The following APP variants were observed in gnomAD, a reference collection of about 807,000 sequenced individuals.
The protein encoded by APP is amyloid beta precursor protein.
Under a neutral mutation model 101.4 loss-of-function variants are expected in APP, and 31 were observed. That is an observed-to-expected ratio of 0.31 (90% CI 0.23 to 0.41). APP has a LOEUF of 0.41. Among genes scored for constraint, APP ranks in the 10% least tolerant of loss-of-function variants. The pLI is 1.00. For missense variants in APP, 839 were observed against 1,003.7 expected (o/e 0.84, Z 2.22); for synonymous variants, 366 against 364.4 (o/e 1.00, Z -0.05).
chr21:25,953,274 G>A (rs370404605), intron 13 of APP, among the ~76,000 whole-genome samples: 3 of 152,214 alleles, frequency 2.0e-5, no homozygotes, highest in Non-Finnish European at 2.9e-5. Flanking sequence ...TTCAGATTCC[G>A]TCCATTAATG....
At chr21:25,918,114 G>A (rs981225257) in intron 13 of APP, among the ~76,000 whole-genome samples, 2 of 152,194 alleles carry the variant, frequency 1.3e-5, no homozygotes, top group African/African-American at 2.4e-5. Context: ...GTGGAAGACA[G>A]TGAGGAGATT....
At chr21:25,966,333 A>C (rs1009209638) in intron 11 of APP, among the ~76,000 whole-genome samples, 1 of 152,218 alleles carries the variant, frequency 6.6e-6, no homozygotes, top group Non-Finnish European at 1.5e-5. Flanking sequence ...TGCCCAAGCT[A>C]ATGAGTCCCC....
At chr21:26,044,768 A>G (rs950821129) in intron 5 of APP, among the ~76,000 whole-genome samples, 2 of 152,048 alleles carry the variant, frequency 1.3e-5, no homozygotes, top group Admixed American at 1.3e-4. Context: ...CGAACTCCCA[A>G]CCTCAGGCGA....
chr21:25,950,781 G>A (rs1396501963), intron 13 of APP, among the ~76,000 whole-genome samples: 1 of 152,104 alleles, frequency 6.6e-6, no homozygotes, highest in Non-Finnish European at 1.5e-5. Flanking sequence ...TGAGAGGACA[G>A]GATCTCAGGT....
At chr21:26,103,825 T>C (rs561259220) in intron 2 of APP, among the ~76,000 whole-genome samples, 1 of 152,334 alleles carries the variant, frequency 6.6e-6, no homozygotes, top group South Asian at 2.1e-4. Context: ...TAAAATCCAC[T>C]GTAAGGCATG....
At chr21:26,003,259 A>C (rs1283469214) in intron 6 of APP, among the ~76,000 whole-genome samples, 1 of 152,260 alleles carries the variant, frequency 6.6e-6, no homozygotes, top group African/African-American at 2.4e-5. Flanking sequence ...TAAATAGTAT[A>C]AGCTACACGT....
At chr21:26,112,767 T>G (rs1428056910) in intron 1 of APP, among the ~76,000 whole-genome samples, 1 of 152,212 alleles carries the variant, frequency 6.6e-6, no homozygotes, top group Non-Finnish European at 1.5e-5. Flanking sequence ...GTCTCAACTC[T>G]TAACAAGTCT....
chr21:26,015,402 C>T (rs775385170), intron 6 of APP, among the ~76,000 whole-genome samples: 6 of 152,074 alleles, frequency 3.9e-5, no homozygotes, highest in Non-Finnish European at 8.8e-5. Context: ...TTATTAATCC[C>T]TATTTTACAA....
intron 1 of APP, among the ~76,000 whole-genome samples, chr21:26,152,309 G>T (rs1274656605): frequency 2.2e-5 from 2 of 93,016 alleles, no homozygotes; most frequent in African/African-American, 1.1e-4. Flanking sequence ...AAAAAAAAAT[G>T]GGCCAAGGAT....
chr21:25,912,738 C>G (rs1006395376), intron 13 of APP, among the ~76,000 whole-genome samples: 33 of 152,118 alleles, frequency 2.2e-4, no homozygotes, highest in Admixed American at 5.2e-4. Flanking sequence ...CCTACCCCCC[C>G]ACTTTAAAAA....
chr21:25,966,660 A>G (rs2041808387), intron 11 of APP, among the ~76,000 whole-genome samples: 1 of 152,214 alleles, frequency 6.6e-6, no homozygotes, highest in African/African-American at 2.4e-5. Flanking sequence ...TATATGCTAT[A>G]TACATATATT....
chr21:26,117,556 CATGGGGTT>C (rs2062462189), intron 1 of APP, among the ~76,000 whole-genome samples: 1 of 152,158 alleles, frequency 6.6e-6, no homozygotes, highest in Admixed American at 6.5e-5. Flanking sequence ...TGTCCAAGGC[CATGGGGTT>C]ATAGGGACAG....
At chr21:26,105,563 C>T (rs2062163838) in intron 2 of APP, among the ~76,000 whole-genome samples, 1 of 151,584 alleles carries the variant, frequency 6.6e-6, no homozygotes, top group Non-Finnish European at 1.5e-5. Flanking sequence ...CCAACACACG[C>T]ATGAAAATCC....
intron 6 of APP, among the ~76,000 whole-genome samples, chr21:26,011,783 T>C (rs779614520): frequency 9.3e-6 from 1 of 107,044 alleles, no homozygotes; most frequent in South Asian, 3.4e-4. Flanking sequence ...AGCAAGACTT[T>C]TCTTTGCTCC....
At chr21:26,096,243 C>T (rs754564737) in intron 2 of APP, among the ~76,000 whole-genome samples, 3 of 152,170 alleles carry the variant, frequency 2.0e-5, no homozygotes, top group Admixed American at 6.5e-5. Flanking sequence ...TGCCTCACAT[C>T]GCTATTAAGT....
At chr21:25,932,564 T>C (rs1243974815) in intron 13 of APP, among the ~76,000 whole-genome samples, 1 of 152,180 alleles carries the variant, frequency 6.6e-6, no homozygotes, top group African/African-American at 2.4e-5. Flanking sequence ...CCCCACACTT[T>C]CCAGTCTTGG....
chr21:25,943,484 G>A (rs987633406), intron 13 of APP, among the ~76,000 whole-genome samples: 3 of 135,330 alleles, frequency 2.2e-5, no homozygotes, highest in African/African-American at 5.6e-5. Context: ...ATGGAGTCTC[G>A]TTCTGTTGCC....
At position 26,106,204 on chromosome 21, in the gene APP, A is replaced by G. The variant is rs113267245; in HGVS notation, c.225+5775T>C. 9.4e-3 allele frequency among the ~76,000 whole-genome samples: 1,438 copies of G among 152,284 alleles called. 26 individuals carry two copies. Among genetic ancestry groups the G allele is most frequent in the African/African-American group, 0.032 (1,339 of 41,544 alleles). ...AGAAAAGGAGTAAACACACAGCAGG[A>G]AGGTAAGCAGAAACAAAAGAGACCC... is the stretch of plus-strand genomic sequence containing the variant. On this transcript the variant is annotated intron_variant, in intron 2 of 17. Transcript: ENST00000346798.
chr21:26,056,518 A>T (rs891279203), intron 3 of APP, among the ~76,000 whole-genome samples: 1 of 152,194 alleles, frequency 6.6e-6, no homozygotes, highest in African/African-American at 2.4e-5. Flanking sequence ...AGAGGTTGGC[A>T]AACTACTACT....
Sources: gnomAD v4.1 joint callset for allele counts (sites outside exome capture counted in the v4.1 genomes callset) on GRCh38, gnomAD v4.1.1 for gene constraint, MANE v1.5 for transcripts, NCBI Gene and HGNC (gene_info 2026-07-23, HGNC 2026-07-21) for gene names.